ASNSD1: variants seen among roughly 807,000 people sequenced by gnomAD.
ASNSD1 encodes the protein asparagine synthetase domain-containing protein 1.
A neutral mutation model predicts 48.3 loss-of-function variants in ASNSD1; 36 were observed. The observed-to-expected ratio is 0.75, with a 90% CI of 0.57 to 0.99. ASNSD1 has a LOEUF of 0.99. Ranked by LOEUF, ASNSD1 falls within the 50% of genes least tolerant of loss-of-function variation. The pLI is 0.00. For synonymous variants in ASNSD1, 257 were observed against 262.1 expected (o/e 0.98, Z 0.19); for missense variants, 714 against 758.2 (o/e 0.94, Z 0.69).
rs1213999797 is a variant in ASNSD1 at position 189,670,640 on chromosome 2, A to C, written c.1846A>C (p.Ile616Leu). Residue 616 changes from isoleucine (I) to leucine (L), a missense_variant, in exon 6 of 6, where the codon ATT becomes CTT. Physicochemically the swap from Ile to Leu is conservative, Grantham distance 5. Coordinates refer to ENST00000260952, the MANE Select transcript of ASNSD1 (RefSeq NM_019048.4). Reference sequence around the variant, plus strand: ...ATCAAGAATTGCAAAAATGGAAAAAATTAATGAAAAGGCATCTGATAAATG... The same window carrying C: ...ATCAAGAATTGCAAAAATGGAAAAACTTAATGAAAAGGCATCTGATAAATG... ...FGSRIAKMEK[I>L]NEKASDKCGR... 1.2e-6 allele frequency: 2 copies of C among 1,613,914 alleles called. No individual in the cohort carries two copies. Among genetic ancestry groups the C allele is most frequent in the African/African-American group, 2.7e-5 (2 of 74,926 alleles).
In ASNSD1 at chr2:189,670,526, A is replaced by G. The variant is rs1158364192; in HGVS notation, c.1732A>G (p.Ile578Val). Residue 578 changes from isoleucine (I) to valine (V), a missense_variant, in exon 6 of 6, where the codon ATT (isoleucine) becomes GTT (valine). By Grantham distance (29) the Ile-to-Val change is conservative. Coordinates refer to ENST00000260952, the MANE Select transcript of ASNSD1 (RefSeq NM_019048.4). ...AGCAAACTTGACTTTACCCCGAGGA[A>G]TTGGTGAAAAATTACTTTTACGCCT... Reference protein sequence around the residue: ...EKANLTLPRGIGEKLLLRLAA... With the variant: ...EKANLTLPRGVGEKLLLRLAA... The G allele has an allele frequency of 6.2e-7, 1 of 1,614,104 alleles. No individual in the cohort carries two copies.
chr2:189,670,786 T>C lies in ASNSD1; in HGVS notation c.*60T>C. ...TTTATATAATTATATAAAAGTAAGA[T>C]ACTCTGCTGCTTTACTATTGTATAA... On this transcript the variant is annotated 3_prime_UTR_variant, in exon 6 of 6. Transcript: ENST00000260952. The C allele has an allele frequency of 2.5e-6, 3 of 1,180,864 alleles. No homozygotes were observed. The highest frequency in any genetic ancestry group is 3.4e-6 in the Non-Finnish European group (3 of 889,476). 73.1% of individuals were successfully genotyped at this position (1,180,864 alleles called of 1,614,324 possible).
Position 189,667,744 on chromosome 2 carries a change from G to T in ASNSD1, c.1465-20G>T. 1 of 1,584,246 alleles carries T rather than the reference G, an allele frequency of 6.3e-7. No homozygotes were observed. Among genetic ancestry groups the T allele is most frequent in the Non-Finnish European group, 8.6e-7 (1 of 1,168,402 alleles). ...GTGTAGTTGATAACATTTTTATACG[G>T]ATTTCTTTAAACCTCATAGGTAGTT... On this transcript the variant is annotated intron_variant, in intron 4 of 5. Transcript: ENST00000260952.
At chr2:189,663,577 A>G (rs2032722106) in intron 1 of ASNSD1, among the ~76,000 whole-genome samples, 1 of 152,186 alleles carries the variant, frequency 6.6e-6, no homozygotes, top group South Asian at 2.1e-4. Flanking sequence ...TATTTTTAAC[A>G]AAAGGTATAA....
intron 5 of ASNSD1, among the ~76,000 whole-genome samples, chr2:189,668,216 A>G (rs1447686373): frequency 6.6e-6 from 1 of 152,196 alleles, no homozygotes; most frequent in Non-Finnish European, 1.5e-5. Flanking sequence ...ACTATAGTGA[A>G]AAATACTGTC....
At chr2:189,664,746 CAA>C (rs545748114) in intron 2 of ASNSD1, among the ~76,000 whole-genome samples, 11 of 123,006 alleles carry the variant, frequency 8.9e-5, no homozygotes, top group Admixed American at 1.7e-4. Context: ...GACTCCTTCT[CAA>C]AAAAAAAAAA....
At chr2:189,670,239 T>C (rs2032898143) in intron 5 of ASNSD1, among the ~76,000 whole-genome samples, 1 of 151,286 alleles carries the variant, frequency 6.6e-6, no homozygotes, top group South Asian at 2.1e-4. Context: ...TCCACAAAGA[T>C]ACCTTGTAAA....
At position 189,665,916 on chromosome 2, in the gene ASNSD1, C is replaced by G. The variant is rs542260422; in HGVS notation, c.-92-125C>G. The stretch of plus-strand genomic sequence containing the variant: ...AGCCTGTTGTTAATTATCATTGGTA[C>G]TGGCACAGTGTGTGTGTTTATATGG... On this transcript the variant is annotated intron_variant, in intron 3 of 5. Transcript: ENST00000260952. The G allele has an allele frequency of 7.0e-5, 32 of 457,530 alleles. No individual in the cohort carries two copies. The South Asian group carries it at 7.2e-4, about 10-fold the overall frequency. 28.3% of individuals were successfully genotyped at this position (457,530 alleles called of 1,614,324 possible). A position where few individuals can be genotyped will look rare whatever the true frequency, so the allele number is the denominator to read the frequency against.
chr2:189,666,611 G>T lies in ASNSD1; in HGVS notation c.479G>T (p.Gly160Val). Reference protein sequence around the residue: ...LGKSFCLSSVGTQTSGLANQW... With the variant: ...LGKSFCLSSVVTQTSGLANQW... ...AAGAGTTTCTGCCTCTCTTCAGTTG[G>T]CACCCAAACATCTGGATTGGCAAAT... The change falls in exon 4 of 6, where the codon GGC becomes GTC. Residue 160 changes from glycine to valine, a missense_variant. Transcript: ENST00000260952. 1 of 1,614,066 alleles carries T rather than the reference G, an allele frequency of 6.2e-7. No homozygotes were observed. Among genetic ancestry groups the T allele is most frequent in the Non-Finnish European group, 8.5e-7 (1 of 1,180,010 alleles).
chr2:189,661,538 G>A lies in ASNSD1; in HGVS notation c.-295G>A. ...CGGTGGAAATGCCCAGCCGAGGGACGCGACCAGAGGACAGCTCTGTGCTGA... is the reference window on the plus strand; with the variant it reads ...CGGTGGAAATGCCCAGCCGAGGGACACGACCAGAGGACAGCTCTGTGCTGA... On this transcript the variant is annotated 5_prime_UTR_variant, in exon 1 of 6. Coordinates refer to ENST00000260952, the MANE Select transcript of ASNSD1 (RefSeq NM_019048.4). 1 of 399,264 alleles carries A rather than the reference G, an allele frequency of 2.5e-6. No homozygotes were observed. The highest frequency in any genetic ancestry group is 3.6e-5 in the East Asian group (1 of 28,068). 24.7% of individuals were successfully genotyped at this position (399,264 alleles called of 1,614,324 possible). A position where few individuals can be genotyped will look rare whatever the true frequency, so the allele number is the denominator to read the frequency against.
intron 5 of ASNSD1, among the ~76,000 whole-genome samples, chr2:189,669,983 AAGATC>A (rs2032893042): frequency 6.6e-6 from 1 of 152,152 alleles, no homozygotes; most frequent in South Asian, 2.1e-4. Flanking sequence ...AGACCTGATA[AAGATC>A]AGACACAGAT....
intron 2 of ASNSD1, among the ~76,000 whole-genome samples, chr2:189,664,203 G>C (rs576718798): frequency 6.6e-6 from 1 of 152,004 alleles, no homozygotes; most frequent in East Asian, 1.9e-4. Flanking sequence ...GTTGTATTTT[G>C]GTATCTTGGA....
In ASNSD1 at chr2:189,663,900, G is replaced by T. The variant is rs2032729027; in HGVS notation, c.-222-1G>T. The T allele has an allele frequency of 2.6e-6, 1 of 387,644 alleles. No homozygotes were observed. The highest frequency in any genetic ancestry group is 4.6e-6 in the Non-Finnish European group (1 of 218,290). The allele number at this position is 387,644 out of a possible 1,614,324, so 24.0% of individuals were successfully genotyped here. A position where few individuals can be genotyped will look rare whatever the true frequency, so the allele number is the denominator to read the frequency against. On this transcript the variant is annotated splice_acceptor_variant, in intron 1 of 5. Transcript: ENST00000260952. LOFTEE classifies it low-confidence loss of function (5UTR_SPLICE). ...TAAGGAGTTTTTCTTTATTTCAATA[G>T]ATTAAAGAACAAAAAATTGTGGTGG...
intron 1 of ASNSD1, among the ~76,000 whole-genome samples, chr2:189,662,499 G>A (rs949675141): frequency 1.3e-5 from 2 of 152,144 alleles, no homozygotes; most frequent in Admixed American, 6.5e-5. Context: ...TTTGGCCTTG[G>A]AATTCAACCT....
At chr2:189,662,647 C>G (rs2032693928) in intron 1 of ASNSD1, among the ~76,000 whole-genome samples, 1 of 152,104 alleles carries the variant, frequency 6.6e-6, no homozygotes, top group African/African-American at 2.4e-5. Context: ...GTTACAGATC[C>G]CTGAGGTGTG....
intron 5 of ASNSD1, among the ~76,000 whole-genome samples, chr2:189,669,507 A>G (rs2032879040): frequency 6.6e-6 from 1 of 152,264 alleles, no homozygotes; most frequent in Non-Finnish European, 1.5e-5. Context: ...TGACATACAT[A>G]TTAACAGTAG....
Position 189,667,050 on chromosome 2 carries a change from C to G in ASNSD1, c.918C>G (p.Asn306Lys), listed in dbSNP as rs2105687335. ...TCTTGTGTTTACCTAGGGATGAAAA[C>G]CTGACAGCAAATGAAGTTTTGAAAA... Reference protein sequence around the residue: ...KRVLCLPRDENLTANEVLKTC... With the variant: ...KRVLCLPRDEKLTANEVLKTC... Residue 306 changes from asparagine (N) to lysine (K), a missense_variant, in exon 4 of 6, where the codon AAC becomes AAG. Physicochemically the swap from Asn to Lys is moderately conservative, Grantham distance 94. Transcript: ENST00000260952. 3 of 1,613,992 alleles carry G rather than the reference C, an allele frequency of 1.9e-6. No homozygotes were observed. The highest frequency in any genetic ancestry group is 2.5e-6 in the Non-Finnish European group (3 of 1,179,954).
At chr2:189,665,554 C>G in intron 3 of ASNSD1, 103 bp downstream of exon 3, 1 of 297,582 alleles carries the variant, frequency 3.4e-6, no homozygotes. Flanking sequence ...TGATTTTCTT[C>G]AAATTAGGCT....
At chr2:189,665,149 C>T (rs1341075828) in intron 2 of ASNSD1, among the ~76,000 whole-genome samples, 1 of 152,056 alleles carries the variant, frequency 6.6e-6, no homozygotes, top group Admixed American at 6.6e-5. Context: ...TCTGCAGGTA[C>T]AGTAAGAACC....
Sources: gnomAD v4.1 joint callset for allele counts (sites outside exome capture counted in the v4.1 genomes callset) on GRCh38, gnomAD v4.1.1 for gene constraint, MANE v1.5 for transcripts, NCBI Gene and HGNC (gene_info 2026-07-23, HGNC 2026-07-21) for gene names.